MCMBP: variants seen among roughly 807,000 people sequenced by gnomAD.
MCMBP encodes mini-chromosome maintenance complex-binding protein.
A neutral mutation model predicts 81.3 loss-of-function variants in MCMBP; 31 were observed. The ratio of observed to expected loss-of-function variants is 0.38; its 90% confidence interval spans 0.29 to 0.51. The LOEUF (loss-of-function observed/expected upper bound fraction) is 0.51, where lower values mean the gene tolerates loss of function less well. Among genes scored for constraint, MCMBP ranks in the 20% least tolerant of loss-of-function variants. The pLI is 0.87. For synonymous variants in MCMBP, 267 were observed against 275.9 expected (o/e 0.97, Z 0.32); for missense variants, 645 against 772.1 (o/e 0.84, Z 1.95).
chr10:119,840,712 G>T, intron 11 of MCMBP, 131 bp downstream of exon 11: 1 of 520,136 alleles, frequency 1.9e-6, no homozygotes, highest in Non-Finnish European at 3.3e-6. Flanking sequence ...TATGTAATTT[G>T]GCAGGCTTTG....
chr10:119,842,611 A>T lies in MCMBP; in HGVS notation c.1001-16T>A, dbSNP rs762502732. ...CTTGAAACAACTGAAGGAGAAAGGA[A>T]GACCTGAGTCAGGACACACACTCCA... On this transcript the variant is annotated splice_polypyrimidine_tract_variant and intron_variant, in intron 9 of 15. Coordinates refer to ENST00000369077, the MANE Select transcript of MCMBP (RefSeq NM_001256378.2). 2 of 1,610,738 alleles carry T rather than the reference A, an allele frequency of 1.2e-6. No individual in the cohort carries two copies. Among genetic ancestry groups the T allele is most frequent in the South Asian group, 2.2e-5 (2 of 90,618 alleles).
intron 15 of MCMBP, 44 bp downstream of exon 15, chr10:119,831,968 A>G: frequency 6.5e-7 from 1 of 1,546,140 alleles, no homozygotes; most frequent in Non-Finnish European, 8.8e-7. Context: ...GAAGACATAT[A>G]CACAAGCTTA....
At chr10:119,837,052 TCA>T (rs1564871020) in intron 12 of MCMBP, 23 bp from the exon 13 acceptor site, 1 of 1,609,278 alleles carries the variant, frequency 6.2e-7, no homozygotes, top group Non-Finnish European at 8.5e-7. Context: ...GAAAACACTT[TCA>T]GTCATTTGAC....
At chr10:119,853,749 C>T (rs1352734697) in intron 5 of MCMBP, among the ~76,000 whole-genome samples, 1 of 152,202 alleles carries the variant, frequency 6.6e-6, no homozygotes, top group Non-Finnish European at 1.5e-5. Context: ...CAGAGAACAG[C>T]TGCTAGTTGG....
intron 10 of MCMBP, among the ~76,000 whole-genome samples, chr10:119,841,483 C>A (rs963798924): frequency 6.6e-6 from 1 of 152,226 alleles, no homozygotes; most frequent in Non-Finnish European, 1.5e-5. Context: ...TATGGTACAA[C>A]TGCATAGTGA....
At chr10:119,840,308 T>C (rs1351275300) in intron 11 of MCMBP, among the ~76,000 whole-genome samples, 1 of 152,164 alleles carries the variant, frequency 6.6e-6, no homozygotes, top group African/African-American at 2.4e-5. Flanking sequence ...TAGTGCACCC[T>C]CTTCAATTTC....
chr10:119,855,990 C>T (rs945275754), intron 5 of MCMBP, among the ~76,000 whole-genome samples: 1 of 152,064 alleles, frequency 6.6e-6, no homozygotes, highest in East Asian at 1.9e-4. Context: ...TTTGAGAGGC[C>T]GAGGCAGGCA....
At position 119,849,459 on chromosome 10, in the gene MCMBP, A is replaced by G; in HGVS notation, c.692T>C (p.Leu231Ser). The G allele has an allele frequency of 6.2e-7, 1 of 1,611,600 alleles. No homozygotes were observed. The highest frequency in any genetic ancestry group is 2.2e-5 in the East Asian group (1 of 44,790). ...GCATGCAGGGCCCTTCTCTCCTGGC[A>G]ATGGAAAATTCAAATCAAAAGGAGA... ...LSSPFDLNFP[L>S]PGEKGPACLV... The change falls in exon 7 of 16, where the codon TTG becomes TCG. Residue 231 changes from leucine (L) to serine (S), a missense_variant. Leu to Ser is a moderately radical substitution (Grantham distance 145). Coordinates refer to ENST00000369077, the MANE Select transcript of MCMBP (RefSeq NM_001256378.2).
Position 119,872,574 on chromosome 10 carries a change from C to G in MCMBP, c.11G>C (p.Gly4Ala). Residue 4 changes from glycine (G) to alanine (A), a missense_variant, in exon 1 of 16, where the codon GGG becomes GCG. Coordinates refer to ENST00000369077, the MANE Select transcript of MCMBP (RefSeq NM_001256378.2). ...CAGCGGGTGGCTGAGCCAATCCTCC[C>G]CACACGGCATCTCGCCAGGGGCCGG... The part of the protein sequence containing the change: MPC[G>A]EDWLSHPLGI... 1 of 1,179,806 alleles carries G rather than the reference C, an allele frequency of 8.5e-7. No homozygotes were observed. Among genetic ancestry groups the G allele is most frequent in the Non-Finnish European group, 1.1e-6 (1 of 946,916 alleles). 73.1% of individuals were successfully genotyped at this position (1,179,806 alleles called of 1,614,324 possible).
chr10:119,856,285 C>A (rs1339772144), intron 5 of MCMBP, among the ~76,000 whole-genome samples: 1 of 152,140 alleles, frequency 6.6e-6, no homozygotes. Context: ...TTAAAATGTT[C>A]TCACAAAGAA....
At position 119,840,894 on chromosome 10, in the gene MCMBP, A is replaced by G. The variant is rs201114261; in HGVS notation, c.1191T>C (p.Asn397=). 1.1e-4 allele frequency: 180 copies of G among 1,611,274 alleles called. No individual in the cohort carries two copies. The highest frequency in any genetic ancestry group is 3.4e-5 in the Admixed American group (2 of 59,618). Residue 397 remains asparagine (N), a synonymous_variant, in exon 11 of 16, where the codon AAT becomes AAC. Coordinates refer to ENST00000369077, the MANE Select transcript of MCMBP (RefSeq NM_001256378.2). ...FTVNLSGCPR[N]STFTEHLYRI... is the part of the protein sequence containing the mutation. ...GATACAAGTGTTCTGTGAAGGTACT[A>G]TTCCGTGGGCAACCACTCAAGTTAA...
intron 5 of MCMBP, 40 bp from the exon 6 acceptor site, chr10:119,853,234 G>C: frequency 1.3e-6 from 2 of 1,573,270 alleles, no homozygotes; most frequent in South Asian, 2.3e-5. Flanking sequence ...ATAAACTGAG[G>C]AATATCCTAA....
chr10:119,872,074 A>C (rs1313757376), intron 1 of MCMBP, among the ~76,000 whole-genome samples: 1 of 151,984 alleles, frequency 6.6e-6, no homozygotes, highest in African/African-American at 2.4e-5. Context: ...GCAAGCGAGC[A>C]CTCCCCGACG....
intron 10 of MCMBP, among the ~76,000 whole-genome samples, chr10:119,841,214 G>C (rs1589780232): frequency 6.6e-6 from 1 of 152,204 alleles, no homozygotes; most frequent in African/African-American, 2.4e-5. Flanking sequence ...TCAGCGGTAG[G>C]TGCTGTTGTC....
intron 14 of MCMBP, among the ~76,000 whole-genome samples, 183 bp downstream of exon 14, chr10:119,835,357 A>G (rs1240518867): frequency 6.6e-6 from 1 of 152,246 alleles, no homozygotes; most frequent in East Asian, 1.9e-4. Flanking sequence ...TCAAGGGATT[A>G]AAATGGGACA....
chr10:119,872,846 C>T, upstream of MCMBP: 1 of 159,938 alleles, frequency 6.3e-6, no homozygotes. Flanking sequence ...CGCACAATGG[C>T]GGGAAATAGC....
rs111731411 is a variant in MCMBP at position 119,872,091 on chromosome 10, A to T, written c.58+436T>A. ...AAGCGAGCACTCCCCGACGCACCGG[A>T]AGTTTTGAAATATCCTGTGGGCTTC... On this transcript the variant is annotated intron_variant, in intron 1 of 15. Coordinates refer to ENST00000369077, the MANE Select transcript of MCMBP (RefSeq NM_001256378.2). 6.6e-5 allele frequency among the ~76,000 whole-genome samples: 10 copies of T among 152,244 alleles called. No individual in the cohort carries two copies. In the East Asian group the frequency reaches 1.9e-3, roughly 30 times the overall value.
chr10:119,862,437 G>A (rs1317118282), intron 1 of MCMBP, among the ~76,000 whole-genome samples: 1 of 152,152 alleles, frequency 6.6e-6, no homozygotes, highest in Non-Finnish European at 1.5e-5. Context: ...ATCTTAGGAG[G>A]AGTACAACTA....
chr10:119,873,236 G>T (rs561324139), upstream of MCMBP, among the ~76,000 whole-genome samples: 1 of 152,324 alleles, frequency 6.6e-6, no homozygotes, highest in South Asian at 2.1e-4. Flanking sequence ...TCCTCTTCGT[G>T]CCTTTTTTTT....
Sources: gnomAD v4.1 joint callset for allele counts (sites outside exome capture counted in the v4.1 genomes callset) on GRCh38, gnomAD v4.1.1 for gene constraint, MANE v1.5 for transcripts, NCBI Gene and HGNC (gene_info 2026-07-23, HGNC 2026-07-21) for gene names.